Variants in PSKH1 observed in about 807,000 individuals in gnomAD.
PSKH1 encodes the protein protein serine kinase H1.
A neutral mutation model predicts 26.7 loss-of-function variants in PSKH1; 12 were observed. The ratio of observed to expected loss-of-function variants is 0.45; its 90% CI spans 0.29 to 0.73. The LOEUF (loss-of-function observed/expected upper bound fraction) is 0.73, where lower values mean the gene tolerates loss of function less well. Among genes scored for constraint, PSKH1 ranks in the 30% least tolerant of loss-of-function variants. The pLI is 0.11. For synonymous variants in PSKH1, 213 were observed against 234.3 expected (o/e 0.91, Z 0.83); for missense variants, 431 against 595.2 (o/e 0.72, Z 2.87).
At chr16:67,898,876 C>A (rs1383895774) in intron 1 of PSKH1, among the ~76,000 whole-genome samples, 2 of 152,164 alleles carry the variant, frequency 1.3e-5, no homozygotes, top group African/African-American at 2.4e-5. Flanking sequence ...CTGCCTCAGC[C>A]TCCCAAAGTG....
rs1721642183 is a variant in PSKH1 at position 67,927,815 on chromosome 16, T to C, written c.*173T>C. 3.9e-6 allele frequency: 3 copies of C among 777,600 alleles called. No homozygotes were observed. In the Admixed American group the frequency reaches 8.7e-5, roughly 23 times the overall value. 48.2% of individuals were successfully genotyped at this position (777,600 alleles called of 1,614,324 possible). A position where few individuals can be genotyped will look rare whatever the true frequency, so the allele number is the denominator to read the frequency against. On this transcript the variant is annotated 3_prime_UTR_variant, in exon 3 of 3. Coordinates refer to ENST00000291041, the MANE Select transcript of PSKH1 (RefSeq NM_006742.3). The surrounding 1 kb of genome is among the most constrained non-coding windows in gnomAD (Gnocchi z 5.5). ...GCAGCCCCTGTCCTCACCATGGGCCTGGGCCAGGTGTGACAGAGTAGAGGT... is the reference window on the plus strand; with the variant it reads ...GCAGCCCCTGTCCTCACCATGGGCCCGGGCCAGGTGTGACAGAGTAGAGGT...
At position 67,928,455 on chromosome 16, in the gene PSKH1, T is replaced by C. The variant is rs1426560293; in HGVS notation, c.*813T>C. On this transcript the variant is annotated 3_prime_UTR_variant, in exon 3 of 3. Transcript: ENST00000291041. This position sits in a 1 kb window ranked among gnomAD's most constrained non-coding sequence, Gnocchi z 4.8. ...TTGGATGTCCATTCCATTCCCCAGG[T>C]GCCTCCTTCCCAACTGGGGGTGGTT... 6.6e-6 allele frequency: 1 copy of C among 152,618 alleles called. No individual in the cohort carries two copies. Among genetic ancestry groups the C allele is most frequent in the Non-Finnish European group, 1.5e-5 (1 of 68,032 alleles). The allele number at this position is 152,618 out of a possible 1,614,324, so 9.5% of individuals were successfully genotyped here. A position where few individuals can be genotyped will look rare whatever the true frequency, so the allele number is the denominator to read the frequency against.
At chr16:67,926,527 C>T (rs2058216786) in intron 2 of PSKH1, among the ~76,000 whole-genome samples, 1 of 152,236 alleles carries the variant, frequency 6.6e-6, no homozygotes, top group Non-Finnish European at 1.5e-5. Flanking sequence ...GTGAAGACAG[C>T]CGTACAACCT....
intron 2 of PSKH1, among the ~76,000 whole-genome samples, chr16:67,924,868 G>T (rs2058211914): frequency 6.6e-6 from 1 of 152,182 alleles, no homozygotes; most frequent in African/African-American, 2.4e-5. Context: ...GTGGGTGATG[G>T]GGGCTACAGT....
chr16:67,901,903 A>C (rs754685137), intron 1 of PSKH1, among the ~76,000 whole-genome samples: 1 of 152,130 alleles, frequency 6.6e-6, no homozygotes, highest in Non-Finnish European at 1.5e-5. Context: ...CTAGGATCAC[A>C]GTGTAAACCA....
chr16:67,909,816 C>T lies in PSKH1; in HGVS notation c.957+110C>T. On this transcript the variant is annotated intron_variant, in intron 2 of 2. Coordinates refer to ENST00000291041, the MANE Select transcript of PSKH1 (RefSeq NM_006742.3). The surrounding 1 kb of genome is among the most constrained non-coding windows in gnomAD (Gnocchi z 7.8). The stretch of plus-strand genomic sequence containing the variant: ...TCCTCAGGGCCATGCTCGTGAGGGC[C>T]AGGCAGGTCATATAAAAGGGACAAA... 1 of 1,003,440 alleles carries T rather than the reference C, an allele frequency of 1.0e-6. No homozygotes were observed. Among genetic ancestry groups the T allele is most frequent in the Non-Finnish European group, 1.5e-6 (1 of 684,924 alleles). 62.2% of individuals were successfully genotyped at this position (1,003,440 alleles called of 1,614,324 possible). A position where few individuals can be genotyped will look rare whatever the true frequency, so the allele number is the denominator to read the frequency against.
chr16:67,913,149 C>T (rs908927486), intron 2 of PSKH1, among the ~76,000 whole-genome samples: 1 of 152,066 alleles, frequency 6.6e-6, no homozygotes, highest in African/African-American at 2.4e-5. Context: ...TGTGCCACTG[C>T]ACTCCAGCCT....
At chr16:67,913,032 T>A (rs868541012) in intron 2 of PSKH1, among the ~76,000 whole-genome samples, 14 of 148,344 alleles carry the variant, frequency 9.4e-5, no homozygotes, top group African/African-American at 3.0e-4. Flanking sequence ...TTAAAAAAAA[T>A]TTTTTTTAGC....
intron 2 of PSKH1, among the ~76,000 whole-genome samples, chr16:67,920,405 G>GT (rs1406612147): frequency 6.6e-6 from 1 of 152,142 alleles, no homozygotes; most frequent in Non-Finnish European, 1.5e-5. Context: ...GGGATTACAG[G>GT]TGTGGGCCAC....
intron 2 of PSKH1, among the ~76,000 whole-genome samples, chr16:67,912,630 A>T (rs1409971820): frequency 1.3e-5 from 2 of 152,060 alleles, no homozygotes; most frequent in Non-Finnish European, 2.9e-5. Context: ...GCACTTTGGG[A>T]GGCCAAGGTG....
In PSKH1 at chr16:67,928,438, C is replaced by T. The variant is rs1386204286; in HGVS notation, c.*796C>T. 6.5e-6 allele frequency: 1 copy of T among 152,696 alleles called. No individual in the cohort carries two copies. The highest frequency in any genetic ancestry group is 2.4e-5 in the African/African-American group (1 of 41,452). 9.5% of individuals were successfully genotyped at this position (152,696 alleles called of 1,614,324 possible). ...CTACCTCCCTCTCCCCGTTGGATGT[C>T]CATTCCATTCCCCAGGTGCCTCCTT... On this transcript the variant is annotated 3_prime_UTR_variant, in exon 3 of 3. Coordinates refer to ENST00000291041, the MANE Select transcript of PSKH1 (RefSeq NM_006742.3). The surrounding 1 kb of genome is among the most constrained non-coding windows in gnomAD (Gnocchi z 4.8).
chr16:67,919,406 G>A (rs372318833), intron 2 of PSKH1, among the ~76,000 whole-genome samples: 4 of 152,318 alleles, frequency 2.6e-5, no homozygotes, highest in East Asian at 3.9e-4. Flanking sequence ...TTGCTATGAG[G>A]CATCTGTCCC....
At chr16:67,910,332 G>T (rs1333230246) in intron 2 of PSKH1, among the ~76,000 whole-genome samples, 1 of 152,186 alleles carries the variant, frequency 6.6e-6, no homozygotes, top group Non-Finnish European at 1.5e-5. Context: ...GAGGATGTGG[G>T]CAGGGCCTTC....
At chr16:67,904,052 G>C (rs957271249) in intron 1 of PSKH1, among the ~76,000 whole-genome samples, 1 of 139,478 alleles carries the variant, frequency 7.2e-6, no homozygotes, top group African/African-American at 2.7e-5. Flanking sequence ...GTCTTGCTCT[G>C]TTGCCCAGGC....
At position 67,909,632 on chromosome 16, in the gene PSKH1, A is replaced by G. The variant is rs1374332593; in HGVS notation, c.883A>G (p.Met295Val). Residue 295 changes from methionine (M) to valine (V), a missense_variant, in exon 2 of 3, where the codon ATG (methionine) becomes GTG (valine). Coordinates refer to ENST00000291041, the MANE Select transcript of PSKH1 (RefSeq NM_006742.3). The surrounding 1 kb of genome is among the most constrained non-coding windows in gnomAD (Gnocchi z 7.8). Reference sequence around the variant, plus strand: ...TGCCTACATCCTACTCAGTGGCACCATGCCGTTTGAGGATGACAACCGTAC... The same window carrying G: ...TGCCTACATCCTACTCAGTGGCACCGTGCCGTTTGAGGATGACAACCGTAC... ...VIAYILLSGT[M>V]PFEDDNRTRL... 3 of 1,614,006 alleles carry G rather than the reference A, an allele frequency of 1.9e-6. No homozygotes were observed. Among genetic ancestry groups the G allele is most frequent in the South Asian group, 1.1e-5 (1 of 91,084 alleles).
chr16:67,896,535 CTT>C (rs959626962), intron 1 of PSKH1, among the ~76,000 whole-genome samples: 47 of 80,962 alleles, frequency 5.8e-4, no homozygotes, highest in African/African-American at 2.2e-3. Flanking sequence ...TAGTGTGCTT[CTT>C]TTTTTTTTTT....
intron 1 of PSKH1, among the ~76,000 whole-genome samples, chr16:67,895,302 C>T (rs1273510816): frequency 6.6e-6 from 1 of 151,914 alleles, no homozygotes; most frequent in Non-Finnish European, 1.5e-5. Context: ...TGGGCTCAAG[C>T]AGTCCTCCCA....
chr16:67,926,735 G>A (rs543124400), intron 2 of PSKH1, among the ~76,000 whole-genome samples: 1 of 152,082 alleles, frequency 6.6e-6, no homozygotes, highest in South Asian at 2.1e-4. Context: ...AAGGGTCCTG[G>A]TTCCTTCCTG....
In PSKH1 at chr16:67,927,720, C is replaced by G; in HGVS notation, c.*78C>G. ...GTGCCATCTGGGTCCGATGCCCTCTCTGGAGATAGGCCTATGTGGCCCACA... is the reference window on the plus strand; with the variant it reads ...GTGCCATCTGGGTCCGATGCCCTCTGTGGAGATAGGCCTATGTGGCCCACA... On this transcript the variant is annotated 3_prime_UTR_variant, in exon 3 of 3. Coordinates refer to ENST00000291041, the MANE Select transcript of PSKH1 (RefSeq NM_006742.3). This position sits in a 1 kb window ranked among gnomAD's most constrained non-coding sequence, Gnocchi z 5.5. The G allele has an allele frequency of 6.9e-7, 1 of 1,459,414 alleles. No individual in the cohort carries two copies. The highest frequency in any genetic ancestry group is 1.3e-5 in the South Asian group (1 of 76,056). The allele number at this position is 1,459,414 out of a possible 1,614,324, so 90.4% of individuals were successfully genotyped here.
Sources: gnomAD v4.1 joint callset for allele counts (sites outside exome capture counted in the v4.1 genomes callset) on GRCh38, gnomAD v4.1.1 for gene constraint, Gnocchi (gnomAD v3.1) non-coding constraint, MANE v1.5 for transcripts, NCBI Gene and HGNC (gene_info 2026-07-23, HGNC 2026-07-21) for gene names.